The following METTL15 variants were observed in gnomAD, a reference collection of about 807,000 sequenced individuals.
METTL15 encodes 12S rRNA N(4)-cytidine methyltransferase METTL15.
Under a neutral mutation model 38.3 loss-of-function variants are expected in METTL15, and 34 were observed. The observed-to-expected ratio is 0.89, with a 90% CI of 0.68 to 1.18. The LOEUF (loss-of-function observed/expected upper bound fraction) is 1.18. Among genes scored for constraint, METTL15 ranks in the 50% most tolerant of loss-of-function variants. The pLI is 0.00. For synonymous variants in METTL15, 162 were observed against 170.9 expected (o/e 0.95, Z 0.41); for missense variants, 438 against 498.4 (o/e 0.88, Z 1.15).
intron 3 of METTL15, among the ~76,000 whole-genome samples, chr11:28,175,723 C>T (rs185149709): frequency 5.9e-5 from 9 of 152,242 alleles, no homozygotes; most frequent in African/African-American, 2.2e-4. Flanking sequence ...TCACCAATCC[C>T]TGTTGAACTT....
At position 28,290,316 on chromosome 11, in the gene METTL15, CCT is replaced by C; in HGVS notation, c.520_521del (p.Ser174HisfsTer4). ...GGAGTTCTTATGGATCTTGGGTGTT[CCT>C]CCATGCAACTTGATACTCCTGAAAG... On this transcript the variant is annotated frameshift_variant, in exon 5 of 7. Coordinates refer to ENST00000407364, the MANE Select transcript of METTL15 (RefSeq NM_001113528.2). LOFTEE classifies it high-confidence loss of function. 2 of 1,613,442 alleles carry C rather than the reference CCT, an allele frequency of 1.2e-6. No homozygotes were observed. The highest frequency in any genetic ancestry group is 1.7e-6 in the Non-Finnish European group (2 of 1,179,654).
intron 5 of METTL15, among the ~76,000 whole-genome samples, chr11:28,417,321 CA>C (rs908716610): frequency 1.4e-4 from 22 of 152,068 alleles, no homozygotes; most frequent in African/African-American, 4.8e-4. Flanking sequence ...AAGAATAATG[CA>C]AAATAAAATA....
chr11:28,119,333 G>A (rs1001515791), intron 3 of METTL15, among the ~76,000 whole-genome samples: 8 of 152,204 alleles, frequency 5.3e-5, no homozygotes, highest in Non-Finnish European at 8.8e-5. Context: ...TTGTAATGAT[G>A]TTTTAAGTGA....
At chr11:28,277,696 C>T (rs1175895746) in intron 4 of METTL15, among the ~76,000 whole-genome samples, 1 of 151,374 alleles carries the variant, frequency 6.6e-6, no homozygotes, top group Non-Finnish European at 1.5e-5. Flanking sequence ...TTTAAAAAAA[C>T]AAAAAGCAAA....
intron 6 of METTL15, among the ~76,000 whole-genome samples, chr11:28,461,979 A>G (rs533496735): frequency 6.6e-6 from 1 of 151,308 alleles, no homozygotes; most frequent in East Asian, 1.9e-4. Flanking sequence ...GATTCAGTTC[A>G]TTCAATTCAA....
At chr11:28,361,087 CT>C (rs1356214331) in intron 4 of METTL15, among the ~76,000 whole-genome samples, 5 of 151,542 alleles carry the variant, frequency 3.3e-5, no homozygotes, top group African/African-American at 1.2e-4. Context: ...GGTTCCAAGT[CT>C]TTGCTGTTGT....
At chr11:28,396,175 A>C (rs1282294224) in intron 5 of METTL15, among the ~76,000 whole-genome samples, 3 of 152,292 alleles carry the variant, frequency 2.0e-5, no homozygotes, top group Non-Finnish European at 4.4e-5. Flanking sequence ...TCCCTTTGCA[A>C]ACTGGCACAA....
intron 4 of METTL15, among the ~76,000 whole-genome samples, chr11:28,259,716 C>T (rs1009291718): frequency 6.6e-5 from 10 of 152,188 alleles, no homozygotes; most frequent in East Asian, 3.9e-4. Flanking sequence ...CTCCATACCA[C>T]GCCTCTACTG....
At chr11:28,429,387 C>CCCTCTG (rs1850893117) in intron 6 of METTL15, among the ~76,000 whole-genome samples, 1 of 126,952 alleles carries the variant, frequency 7.9e-6, no homozygotes, top group Admixed American at 8.7e-5. Context: ...CTCTCCCTCT[C>CCCTCTG]CCTCTCCCCA....
intron 3 of METTL15, among the ~76,000 whole-genome samples, chr11:28,180,004 T>C (rs887082600): frequency 3.3e-5 from 5 of 151,826 alleles, no homozygotes; most frequent in Admixed American, 2.0e-4. Context: ...TGATATTAAG[T>C]ACCCCTGAGA....
At chr11:28,235,739 A>G (rs545124972) in intron 4 of METTL15, among the ~76,000 whole-genome samples, 1 of 152,294 alleles carries the variant, frequency 6.6e-6, no homozygotes, top group East Asian at 1.9e-4. Flanking sequence ...ATATACAATC[A>G]TGTCATCTGC....
At chr11:28,387,411 G>C (rs967939243) in intron 5 of METTL15, among the ~76,000 whole-genome samples, 2 of 151,708 alleles carry the variant, frequency 1.3e-5, no homozygotes, top group African/African-American at 4.8e-5. Context: ...ATAATAGTAT[G>C]AATAATTGTA....
chr11:28,475,792 C>A (rs1851341551), intron 6 of METTL15, among the ~76,000 whole-genome samples: 2 of 152,198 alleles, frequency 1.3e-5, no homozygotes, highest in South Asian at 4.1e-4. Context: ...CCTTCCAGAT[C>A]ACACTCAGTT....
intron 6 of METTL15, among the ~76,000 whole-genome samples, chr11:28,319,500 A>C (rs1002693050): frequency 6.6e-6 from 1 of 151,812 alleles, no homozygotes; most frequent in Non-Finnish European, 1.5e-5. Context: ...GACTTCCTAG[A>C]ATGTATCTGA....
intron 5 of METTL15, among the ~76,000 whole-genome samples, chr11:28,398,094 G>C (rs535291417): frequency 6.6e-5 from 10 of 152,072 alleles, no homozygotes; most frequent in African/African-American, 2.2e-4. Context: ...GTTGTGGGGT[G>C]GGGGGAGGTG....
chr11:28,248,192 T>A (rs984817945), intron 4 of METTL15, among the ~76,000 whole-genome samples: 1 of 152,096 alleles, frequency 6.6e-6, no homozygotes. Context: ...TTTCTTCTCT[T>A]TGCATAGTTG....
chr11:28,292,245 T>C (rs1381439659), intron 5 of METTL15, among the ~76,000 whole-genome samples: 2 of 134,644 alleles, frequency 1.5e-5, no homozygotes, highest in Non-Finnish European at 3.1e-5. Context: ...TGTGTGATGT[T>C]CCCCTTCCTG....
In METTL15 at chr11:28,231,259, G is replaced by A. The variant is rs184008740; in HGVS notation, c.407+20061G>A. ...AGGACCCAAAAACATTAAATACCAAGGCAGTATGCTTTAAATAGCATGGAA... is the reference window on the plus strand; with the variant it reads ...AGGACCCAAAAACATTAAATACCAAAGCAGTATGCTTTAAATAGCATGGAA... On this transcript the variant is annotated intron_variant, in intron 4 of 6. Coordinates refer to ENST00000407364, the MANE Select transcript of METTL15 (RefSeq NM_001113528.2). Among the ~76,000 whole-genome samples, 16 of 151,700 alleles carry A rather than the reference G, an allele frequency of 1.1e-4. 1 individual carries two copies. The East Asian group carries it at 2.9e-3, about 28-fold the overall frequency.
chr11:28,114,360 T>G (rs760817345), intron 3 of METTL15, among the ~76,000 whole-genome samples: 3 of 152,136 alleles, frequency 2.0e-5, no homozygotes, highest in Non-Finnish European at 4.4e-5. Flanking sequence ...ATGCCACATT[T>G]TGTTTATCCG....
Sources: allele counts gnomAD v4.1 joint callset (sites outside exome capture counted in the v4.1 genomes callset), GRCh38; gene constraint gnomAD v4.1.1; transcripts MANE v1.5; gene names NCBI Gene and HGNC (gene_info 2026-07-23, HGNC 2026-07-21).